IFT74: variants seen among roughly 807,000 people sequenced by gnomAD.
The protein encoded by IFT74 is intraflagellar transport 74, also known as intraflagellar transport protein 74 homolog.
Under a neutral mutation model 96.7 loss-of-function variants are expected in IFT74, and 92 were observed. The observed-to-expected ratio is 0.95, with a 90% CI of 0.80 to 1.13. The LOEUF is 1.13. Among genes scored for constraint, IFT74 ranks in the 50% most tolerant of loss-of-function variants. The pLI, the probability that IFT74 is intolerant of heterozygous loss-of-function variation, is 0.00. For missense variants in IFT74, 811 were observed against 698.2 expected, an observed-to-expected ratio of 1.16 and a Z score of -1.82; for synonymous variants, 223 against 213.2, an observed-to-expected ratio of 1.05 and a Z score of -0.40.
chr9:26,956,293 T>G (rs981537559), upstream of IFT74: 1 of 152,216 alleles, frequency 6.6e-6, no homozygotes, highest in Non-Finnish European at 1.5e-5. Context: ...AACAAACATA[T>G]CCTCAATTCT....
intron 18 of IFT74, among the ~76,000 whole-genome samples, chr9:27,058,445 G>A (rs1452428530): frequency 6.6e-6 from 1 of 151,594 alleles, no homozygotes; most frequent in South Asian, 2.1e-4. Context: ...GAGTGCAGTG[G>A]TGTGATCTTG....
In IFT74 at chr9:27,050,178, C is replaced by T. The variant is rs914840837; in HGVS notation, c.1333+1904C>T. Among the ~76,000 whole-genome samples, 6 of 152,158 alleles carry T rather than the reference C, an allele frequency of 3.9e-5. No individual in the cohort carries two copies. In the East Asian group the frequency reaches 1.2e-3, roughly 29 times the overall value. On this transcript the variant is annotated intron_variant, in intron 16 of 19. Transcript: ENST00000380062. Reference sequence around the variant, plus strand: ...GCTCAGGTGATTCTCTCACCTCAGCCTCCCAACTAGCTGGGACTACAGGCA... The same window carrying T: ...GCTCAGGTGATTCTCTCACCTCAGCTTCCCAACTAGCTGGGACTACAGGCA...
chr9:26,968,712 T>G (rs1402300080), intron 2 of IFT74, among the ~76,000 whole-genome samples: 2 of 152,232 alleles, frequency 1.3e-5, no homozygotes, highest in African/African-American at 4.8e-5. Flanking sequence ...GAGTTGCTCA[T>G]AGTGGCCTCT....
At chr9:27,019,288 C>T (rs1829489179) in intron 12 of IFT74, among the ~76,000 whole-genome samples, 1 of 151,982 alleles carries the variant, frequency 6.6e-6, no homozygotes, top group Admixed American at 6.6e-5. Context: ...TCAGTCAGCC[C>T]AATAAAACCC....
intron 6 of IFT74, among the ~76,000 whole-genome samples, chr9:26,987,189 A>G (rs1827677408): frequency 6.6e-6 from 1 of 152,016 alleles, no homozygotes; most frequent in African/African-American, 2.4e-5. Flanking sequence ...AGCTGGGATT[A>G]CAGGCGCTTG....
chr9:27,002,659 G>C (rs954157567), intron 8 of IFT74, among the ~76,000 whole-genome samples: 1 of 152,138 alleles, frequency 6.6e-6, no homozygotes, highest in Non-Finnish European at 1.5e-5. Flanking sequence ...GATCTGTCTT[G>C]ATGCCAGTAC....
intron 2 of IFT74, chr9:26,976,567 G>A (rs1034478429): frequency 3.0e-6 from 1 of 335,918 alleles, no homozygotes; most frequent in Non-Finnish European, 5.8e-6. Flanking sequence ...GAGGAGGAAG[G>A]GGTCATCTAC....
intron 17 of IFT74, 79 bp from the exon 18 acceptor site, chr9:27,056,255 T>C (rs1820151765): frequency 1.8e-6 from 2 of 1,121,638 alleles, no homozygotes; most frequent in Non-Finnish European, 2.6e-6. Flanking sequence ...ATATAGTTAT[T>C]GAAATTAAGT....
At chr9:27,019,032 G>A (rs1271531569) in intron 12 of IFT74, among the ~76,000 whole-genome samples, 2 of 151,974 alleles carry the variant, frequency 1.3e-5, no homozygotes, top group Non-Finnish European at 2.9e-5. Context: ...AGTGCAAGTG[G>A]CATGATATAG....
intron 1 of IFT74, among the ~76,000 whole-genome samples, chr9:26,948,077 C>T (rs1341815342): frequency 1.3e-5 from 2 of 152,218 alleles, no homozygotes; most frequent in Non-Finnish European, 2.9e-5. Context: ...TCACACTTTT[C>T]TGACTTCTCC....
At chr9:26,977,138 T>C (rs1458748687) in intron 2 of IFT74, among the ~76,000 whole-genome samples, 1 of 152,174 alleles carries the variant, frequency 6.6e-6, no homozygotes, top group African/African-American at 2.4e-5. Flanking sequence ...AATTTTTATT[T>C]TTGTCTATAT....
At chr9:26,948,842 C>T (rs1223221876) in intron 1 of IFT74, among the ~76,000 whole-genome samples, 2 of 152,082 alleles carry the variant, frequency 1.3e-5, no homozygotes, top group Non-Finnish European at 2.9e-5. Context: ...ATTCATCTCC[C>T]TCTGTTATCT....
chr9:26,992,798 C>T (rs1702276140), intron 8 of IFT74, among the ~76,000 whole-genome samples: 1 of 152,100 alleles, frequency 6.6e-6, no homozygotes, highest in South Asian at 2.1e-4. Context: ...GTCTCAATAA[C>T]ACAAAGATCT....
chr9:26,950,522 T>TA (rs1199440691), intron 1 of IFT74, among the ~76,000 whole-genome samples: 1 of 152,182 alleles, frequency 6.6e-6, no homozygotes, highest in Non-Finnish European at 1.5e-5. Flanking sequence ...CTGGCATAGT[T>TA]ATTTTAGCCT....
chr9:26,973,293 T>TTTC (rs936800725), intron 2 of IFT74, among the ~76,000 whole-genome samples: 56 of 152,198 alleles, frequency 3.7e-4, no homozygotes, highest in African/African-American at 1.1e-3. Context: ...ACCCATCTGA[T>TTTC]TTCTTGACAG....
intron 11 of IFT74, among the ~76,000 whole-genome samples, chr9:27,017,376 C>T (rs1185913348): frequency 2.0e-5 from 3 of 152,064 alleles, no homozygotes; most frequent in African/African-American, 7.2e-5. Context: ...CATGTGCCAA[C>T]ACACCAATTT....
intron 8 of IFT74, among the ~76,000 whole-genome samples, chr9:26,992,794 A>G (rs530335806): frequency 6.6e-6 from 1 of 152,206 alleles, no homozygotes; most frequent in Non-Finnish European, 1.5e-5. Context: ...CAACGTCTCA[A>G]TAACACAAAG....
chr9:26,947,928 T>C (rs1169750919), intron 1 of IFT74, among the ~76,000 whole-genome samples: 3 of 152,184 alleles, frequency 2.0e-5, no homozygotes, highest in African/African-American at 2.4e-5. Context: ...CCCGTGGTGC[T>C]ACTTGCTAGT....
In IFT74 at chr9:27,014,504, T is replaced by C. The variant is rs12346926; in HGVS notation, c.790-2403T>C. 8.3e-3 allele frequency among the ~76,000 whole-genome samples: 1,265 copies of C among 152,336 alleles called. 16 individuals are homozygous for C. Among genetic ancestry groups the C allele is most frequent in the African/African-American group, 0.028 (1,177 of 41,584 alleles). On this transcript the variant is annotated intron_variant, in intron 10 of 19. Transcript: ENST00000380062. ...TGATGCCGTTCTTCTCTGATGTCAG[T>C]ACATTTATGCCTAAAATAACAAGAG...
Sources: gnomAD v4.1 joint callset for allele counts (sites outside exome capture counted in the v4.1 genomes callset) on GRCh38, gnomAD v4.1.1 for gene constraint, MANE v1.5 for transcripts, NCBI Gene and HGNC (gene_info 2026-07-23, HGNC 2026-07-21) for gene names.